The following MPDZ variants were observed in gnomAD, a reference collection of about 807,000 sequenced individuals.
The protein encoded by MPDZ is multiple PDZ domain protein.
Under a neutral mutation model 239.1 loss-of-function variants are expected in MPDZ, and 234 were observed. The observed-to-expected ratio is 0.98, with a 90% CI of 0.88 to 1.09. MPDZ has a LOEUF of 1.09. MPDZ is among the 50% of genes least tolerant of loss of function. The pLI is 0.00. For synonymous variants in MPDZ, 1,048 were observed against 881.3 expected (o/e 1.19, Z -3.35); for missense variants, 3,175 against 2,510.0 (o/e 1.26, Z -5.66).
chr9:13,278,436 T>A (rs1974751286), intron 1 of MPDZ, among the ~76,000 whole-genome samples: 1 of 151,896 alleles, frequency 6.6e-6, no homozygotes, highest in African/African-American at 2.4e-5. Context: ...TGGCCACTTC[T>A]CCTCCCCCGC....
chr9:13,219,321 TTAAA>T (rs1172114096), intron 8 of MPDZ, among the ~76,000 whole-genome samples: 5 of 151,996 alleles, frequency 3.3e-5, no homozygotes, highest in Admixed American at 2.0e-4. Flanking sequence ...AATATGCTGC[TTAAA>T]TAAAAATGTA....
chr9:13,182,143 C>T (rs1307471803), intron 19 of MPDZ, among the ~76,000 whole-genome samples: 1 of 152,108 alleles, frequency 6.6e-6, no homozygotes, highest in East Asian at 1.9e-4. Context: ...TACGGAAATT[C>T]TACTTTCCAA....
chr9:13,167,376 A>G (rs772423881), intron 22 of MPDZ, among the ~76,000 whole-genome samples: 1 of 152,146 alleles, frequency 6.6e-6, no homozygotes, highest in Non-Finnish European at 1.5e-5. Context: ...CCTAAAAATA[A>G]TACTTTTTAT....
intron 28 of MPDZ, 100 bp downstream of exon 28, chr9:13,139,887 A>G (rs1410839226): frequency 7.3e-7 from 1 of 1,370,782 alleles, no homozygotes; most frequent in African/African-American, 1.4e-5. Flanking sequence ...ATATATCACA[A>G]AGCTGCAACA....
In MPDZ at chr9:13,136,125, C is replaced by T. The variant is rs778109326; in HGVS notation, c.4350G>A (p.Leu1450=). The change falls in exon 31 of 47, where the codon TTG becomes TTA. Residue 1450 remains leucine (L), a synonymous_variant. Transcript: ENST00000319217. Reference sequence around the variant, plus strand: ...TTTGAAGATTTTCTGAGTTAGAAGGCAAAGGTTCTACTGCATTTCCAGGAC... The same window carrying T: ...TTTGAAGATTTTCTGAGTTAGAAGGTAAAGGTTCTACTGCATTTCCAGGAC... ...AVCPGNAVEP[L]PSNSENLQNK... is the part of the protein sequence containing the mutation. 8.1e-6 allele frequency: 13 copies of T among 1,612,546 alleles called. No homozygotes were observed. Among genetic ancestry groups the T allele is most frequent in the African/African-American group, 4.0e-5 (3 of 74,786 alleles).
chr9:13,209,461 C>T (rs1254396332), intron 10 of MPDZ, among the ~76,000 whole-genome samples: 2 of 152,146 alleles, frequency 1.3e-5, no homozygotes, highest in African/African-American at 4.8e-5. Flanking sequence ...TTCCCTGTCA[C>T]TTTGTCAATT....
chr9:13,235,912 GTGTACC>G (rs909144861), intron 3 of MPDZ, among the ~76,000 whole-genome samples: 13 of 151,962 alleles, frequency 8.6e-5, no homozygotes, highest in Non-Finnish European at 1.8e-4. Flanking sequence ...ATTTGGGAAG[GTGTACC>G]TGGATGATCA....
At chr9:13,189,341 A>G (rs1281720145) in intron 16 of MPDZ, among the ~76,000 whole-genome samples, 1 of 152,132 alleles carries the variant, frequency 6.6e-6, no homozygotes, top group Non-Finnish European at 1.5e-5. Context: ...AATTATTAAC[A>G]AAAGCATTGT....
Position 13,176,242 on chromosome 9 carries a change from T to G in MPDZ, c.2825A>C (p.Gln942Pro). Residue 942 changes from glutamine to proline, a missense_variant, in exon 20 of 47, where the codon CAA becomes CCA. Coordinates refer to ENST00000319217, the MANE Select transcript of MPDZ (RefSeq NM_001378778.1). ...NDYTPANAIE[Q>P]QYECENTIVW... Reference sequence around the variant, plus strand: ...TATTGTGTTTTCACATTCATATTGTTGTTCAATAGCATTTGCAGGTGTGTA... The same window carrying G: ...TATTGTGTTTTCACATTCATATTGTGGTTCAATAGCATTTGCAGGTGTGTA... 6.2e-7 allele frequency: 1 copy of G among 1,607,192 alleles called. No individual in the cohort carries two copies. Among genetic ancestry groups the G allele is most frequent in the Non-Finnish European group, 8.5e-7 (1 of 1,176,246 alleles).
In MPDZ at chr9:13,247,655, C is replaced by A. The variant is rs772519064; in HGVS notation, c.163G>T (p.Val55Leu). Residue 55 changes from valine (V) to leucine (L), a missense_variant, in exon 3 of 47, where the codon GTA (valine) becomes TTA (leucine). Val to Leu is a conservative substitution (Grantham distance 32). Transcript: ENST00000319217. ...CCTACCTGGTCTTTCAGCTGCTGTA[C>A]AGAAGTCTGAAGGCTCAGAATCTGA... The part of the protein sequence containing the change: ...FSQILSLQTS[V>L]QQLKDQVNIA... 1 of 1,612,958 alleles carries A rather than the reference C, an allele frequency of 6.2e-7. No homozygotes were observed. Among genetic ancestry groups the A allele is most frequent in the South Asian group, 1.1e-5 (1 of 90,980 alleles).
In MPDZ at chr9:13,224,308, A is replaced by G. The variant is rs944755540; in HGVS notation, c.393+66T>C. On this transcript the variant is annotated intron_variant, in intron 4 of 46. Transcript: ENST00000319217. The stretch of plus-strand genomic sequence containing the variant: ...TGTCACTATATTCTTCAAATTATCC[A>G]TAACTTGATCACATTCTTAAATTAC... 8 of 1,371,272 alleles carry G rather than the reference A, an allele frequency of 5.8e-6. No homozygotes were observed. In the African/African-American group the frequency reaches 1.0e-4, roughly 17 times the overall value. 84.9% of individuals were successfully genotyped at this position (1,371,272 alleles called of 1,614,324 possible). A position where few individuals can be genotyped will look rare whatever the true frequency, so the allele number is the denominator to read the frequency against.
At chr9:13,126,655 T>A (rs763095291) in intron 33 of MPDZ, 25 bp downstream of exon 33, 40 of 1,612,442 alleles carry the variant, frequency 2.5e-5, no homozygotes, top group Non-Finnish European at 3.2e-5. Flanking sequence ...AACTACTTAA[T>A]GACAGCAAGA....
intron 3 of MPDZ, among the ~76,000 whole-genome samples, chr9:13,241,410 T>G (rs571298946): frequency 6.6e-6 from 1 of 152,284 alleles, no homozygotes; most frequent in African/African-American, 2.4e-5. Flanking sequence ...GTTAATGAAA[T>G]CAAAGCATAT....
intron 25 of MPDZ, among the ~76,000 whole-genome samples, chr9:13,148,959 G>A (rs1454647420): frequency 6.6e-6 from 1 of 150,944 alleles, no homozygotes; most frequent in Non-Finnish European, 1.5e-5. Context: ...ACATTTGAGA[G>A]CAAATTATGA....
intron 26 of MPDZ, among the ~76,000 whole-genome samples, chr9:13,147,132 A>C (rs1434634927): frequency 6.6e-6 from 1 of 152,068 alleles, no homozygotes; most frequent in Non-Finnish European, 1.5e-5. Context: ...GGATTGCATA[A>C]GTAGGAGATT....
chr9:13,112,071 C>G lies in MPDZ; in HGVS notation c.5677G>C (p.Ala1893Pro), dbSNP rs973965367. The change falls in exon 43 of 47, where the codon GCA (alanine) becomes CCA (proline). Residue 1893 changes from alanine (A) to proline (P), a missense_variant. Coordinates refer to ENST00000319217, the MANE Select transcript of MPDZ (RefSeq NM_001378778.1). The stretch of plus-strand genomic sequence containing the variant: ...GCAACTCCAGTTGGGTGCATCATTG[C>G]AATAAATATAGGCACATCACCAAGT... Reference protein sequence around the residue: ...SPLGDVPIFIAMMHPTGVAAQ... With the variant: ...SPLGDVPIFIPMMHPTGVAAQ... 1.9e-6 allele frequency: 3 copies of G among 1,613,518 alleles called. No individual in the cohort carries two copies. The highest frequency in any genetic ancestry group is 2.5e-6 in the Non-Finnish European group (3 of 1,179,664).
chr9:13,117,085 T>A (rs995410016), intron 39 of MPDZ, among the ~76,000 whole-genome samples: 1 of 152,140 alleles, frequency 6.6e-6, no homozygotes, highest in African/African-American at 2.4e-5. Context: ...GTTTAATTTA[T>A]AAATTAGACA....
At chr9:13,262,595 T>C (rs1260248308) in intron 1 of MPDZ, among the ~76,000 whole-genome samples, 4 of 151,198 alleles carry the variant, frequency 2.6e-5, no homozygotes, top group African/African-American at 7.3e-5. Context: ...AGAGTCTATA[T>C]AATATATACA....
rs1441019242 is a variant in MPDZ at position 13,245,035 on chromosome 9, AG to A, written c.183+2599del. Reference sequence around the variant, plus strand: ...AAAATTATACATTTGAAAACAGGTAAGGTATGAGGTAATAAATATAAGCTAG... The same window carrying A: ...AAAATTATACATTTGAAAACAGGTAAGTATGAGGTAATAAATATAAGCTAG... On this transcript the variant is annotated intron_variant, in intron 3 of 46. Transcript: ENST00000319217. Among the ~76,000 whole-genome samples the A allele has an allele frequency of 6.4e-4, 97 of 152,278 alleles. 3 individuals are homozygous for A. The highest frequency in any genetic ancestry group is 4.9e-4 in the Non-Finnish European group (33 of 67,996).
Sources: gnomAD v4.1 joint callset for allele counts (sites outside exome capture counted in the v4.1 genomes callset) on GRCh38, gnomAD v4.1.1 for gene constraint, MANE v1.5 for transcripts, NCBI Gene and HGNC (gene_info 2026-07-23, HGNC 2026-07-21) for gene names.